The following ZFYVE26 variants were observed in gnomAD, a reference collection of about 807,000 sequenced individuals.
ZFYVE26 encodes the protein zinc finger FYVE-type containing 26, also known as zinc finger FYVE domain-containing protein 26.
Under a neutral mutation model 276.5 loss-of-function variants are expected in ZFYVE26, and 181 were observed. The ratio of observed to expected loss-of-function variants is 0.65; its 90% CI spans 0.58 to 0.74. ZFYVE26 has a LOEUF of 0.74. ZFYVE26 is among the 30% of genes least tolerant of loss of function. The probability of loss-of-function intolerance (pLI) is 0.00; values close to 1 mark genes in which losing one functional copy is unlikely to be tolerated. For synonymous variants in ZFYVE26, 1,129 were observed against 1,203.1 expected (o/e 0.94, Z 1.27); for missense variants, 2,821 against 3,097.9 (o/e 0.91, Z 2.12).
At chr14:67,789,651 C>T in intron 15 of ZFYVE26, 53 bp from the exon 16 acceptor site, 2 of 1,610,960 alleles carry the variant, frequency 1.2e-6, no homozygotes, top group African/African-American at 1.3e-5. Context: ...ATTCTTACTA[C>T]AACTTTTATT....
intron 3 of ZFYVE26, among the ~76,000 whole-genome samples, chr14:67,813,379 C>A (rs2040340198): frequency 6.6e-6 from 1 of 152,084 alleles, no homozygotes; most frequent in African/African-American, 2.4e-5. Flanking sequence ...GAAAATGTCT[C>A]AGAGTAATTC....
At chr14:67,810,074 G>A (rs528216638) in intron 3 of ZFYVE26, among the ~76,000 whole-genome samples, 10 of 152,264 alleles carry the variant, frequency 6.6e-5, no homozygotes, top group Admixed American at 4.6e-4. Flanking sequence ...GTGAGCCACC[G>A]TGCCTGGCAC....
In ZFYVE26 at chr14:67,798,463, G is replaced by A. The variant is rs1361696412; in HGVS notation, c.1799C>T (p.Ala600Val). Residue 600 changes from alanine to valine, a missense_variant, in exon 11 of 42, where the codon GCT (alanine) becomes GTT (valine). By Grantham distance (64) the Ala-to-Val change is moderately conservative (BLOSUM62 0). Coordinates refer to ENST00000347230, the MANE Select transcript of ZFYVE26 (RefSeq NM_015346.4). ...CTTCCCCTCAATGTCATCATCCTCAGCATAGTCCTCAGGCAAGTGAGGCTC... is the reference window on the plus strand; with the variant it reads ...CTTCCCCTCAATGTCATCATCCTCAACATAGTCCTCAGGCAAGTGAGGCTC... ...HPEPHLPEDYAEDDDIEGKSP... is the reference protein window; with the variant it reads ...HPEPHLPEDYVEDDDIEGKSP... 6.2e-7 allele frequency: 1 copy of A among 1,614,084 alleles called. No individual in the cohort carries two copies. The highest frequency in any genetic ancestry group is 1.3e-5 in the African/African-American group (1 of 74,916).
downstream of ZFYVE26, among the ~76,000 whole-genome samples, chr14:67,745,559 T>C (rs1383507500): frequency 6.6e-6 from 1 of 151,980 alleles, no homozygotes; most frequent in African/African-American, 2.4e-5. Context: ...TGTCCATGGC[T>C]CAAGTATCAT....
intron 13 of ZFYVE26, among the ~76,000 whole-genome samples, chr14:67,738,658 A>C (rs72723171): frequency 0.088 from 13,321 of 152,218 alleles, 828 homozygotes; most frequent in Non-Finnish European, 0.14. Context: ...AAAAGATATA[A>C]AACAATATAA....
intron 13 of ZFYVE26, among the ~76,000 whole-genome samples, chr14:67,731,689 C>A (rs1156981495): frequency 6.6e-6 from 1 of 151,950 alleles, no homozygotes; most frequent in African/African-American, 2.4e-5. Flanking sequence ...GAATACAAAA[C>A]TATATGATTT....
chr14:67,735,127 A>C, intron 13 of ZFYVE26: 1 of 800,878 alleles, frequency 1.2e-6, no homozygotes. Flanking sequence ...AATGATAGGC[A>C]TGGGTGTTGA....
chr14:67,757,898 A>C (rs1344327987), intron 35 of ZFYVE26, among the ~76,000 whole-genome samples: 3 of 151,976 alleles, frequency 2.0e-5, no homozygotes, highest in Admixed American at 1.3e-4. Flanking sequence ...TATTTTTAGT[A>C]GAGACAGGGT....
At chr14:67,766,115 A>G in intron 32 of ZFYVE26, 112 bp downstream of exon 32, 2 of 1,058,014 alleles carry the variant, frequency 1.9e-6, no homozygotes, top group Non-Finnish European at 2.9e-6. Context: ...AAAATCTTTC[A>G]GCATGTCTTG....
chr14:67,798,604 G>T lies in ZFYVE26; in HGVS notation c.1658C>A (p.Ser553Ter). ...CTGTTGACACCTGGCCAGGTAAGTT[G>T]AGAAGAGATTTGCAGCACCTACAAA... ...LSSPGAANLFSTYLARCQQYL... is the reference protein window; with the variant it reads ...LSSPGAANLF Residue 553 changes from serine to a stop codon, truncating the protein, a stop_gained, in exon 11 of 42, where the codon TCA becomes TAA. Transcript: ENST00000347230. LOFTEE classifies it high-confidence loss of function. The T allele has an allele frequency of 6.2e-7, 1 of 1,614,000 alleles. No individual in the cohort carries two copies. The highest frequency in any genetic ancestry group is 1.1e-5 in the South Asian group (1 of 91,080).
downstream of ZFYVE26, among the ~76,000 whole-genome samples, chr14:67,742,250 G>T (rs1271473667): frequency 6.6e-6 from 1 of 152,210 alleles, no homozygotes; most frequent in African/African-American, 2.4e-5. Flanking sequence ...GTGAGGAGGG[G>T]TAAATGGGGA....
Position 67,751,085 on chromosome 14 carries a change from G to A in ZFYVE26, c.7383C>T (p.Gly2461=). ...CATCATTGTGTATTGCCTGGATCAG[G>A]CCCTCCAGCTCCTGTGCAGAACAGA... ...FKRIPPQELE[G]LIQAIHNDDN... Residue 2461 remains glycine, a synonymous_variant, in exon 41 of 42, where the codon GGC becomes GGT. Transcript: ENST00000347230. The A allele has an allele frequency of 1.2e-6, 2 of 1,614,200 alleles. No individual in the cohort carries two copies. Among genetic ancestry groups the A allele is most frequent in the Non-Finnish European group, 1.7e-6 (2 of 1,180,038 alleles).
chr14:67,741,625 T>C (rs2038415912), downstream of ZFYVE26, among the ~76,000 whole-genome samples: 2 of 152,190 alleles, frequency 1.3e-5, no homozygotes, highest in South Asian at 4.1e-4. Flanking sequence ...TTCTGCCTTA[T>C]AAAGTATTTG....
In ZFYVE26 at chr14:67,777,729, G is replaced by A. The variant is rs558285072; in HGVS notation, c.4804C>T (p.Arg1602Ter). 20 of 1,614,050 alleles carry A rather than the reference G, an allele frequency of 1.2e-5. No individual in the cohort carries two copies. The highest frequency in any genetic ancestry group is 1.7e-5 in the Admixed American group (1 of 60,008). Residue 1602 changes from arginine (R) to a stop codon, truncating the protein, a stop_gained, in exon 25 of 42, where the codon CGA becomes TGA. Transcript: ENST00000347230. LOFTEE classifies it high-confidence loss of function. ...CACATGGTGGGGTCAGGGATTCTTCGCAGGAGCTATTGTCAAAGGGTAGAG... is the reference window on the plus strand; with the variant it reads ...CACATGGTGGGGTCAGGGATTCTTCACAGGAGCTATTGTCAAAGGGTAGAG... ...RDHDKALQLL[R>*]RIPDPTMCLE...
In ZFYVE26 at chr14:67,733,890, A is replaced by G. The variant is rs370191805; in HGVS notation, n.2680-4071T>C. ...AGCTTTATCAGGCCCAATCCATGCC[A>G]TAATGAACAGGGACCAAGGAGAAGG... On this transcript the variant is annotated intron_variant and non_coding_transcript_variant, in intron 13 of 14. Transcript: ENST00000394455. 2.6e-5 allele frequency: 38 copies of G among 1,457,106 alleles called. No homozygotes were observed. The African/African-American group carries it at 4.9e-4, about 19-fold the overall frequency. The allele number at this position is 1,457,106 out of a possible 1,614,324, so 90.3% of individuals were successfully genotyped here.
At chr14:67,771,500 G>A (rs889297371) in intron 28 of ZFYVE26, among the ~76,000 whole-genome samples, 36 of 152,218 alleles carry the variant, frequency 2.4e-4, no homozygotes, top group African/African-American at 4.8e-5. Context: ...TTTCATCAGC[G>A]TTGAGCTGAT....
At chr14:67,784,501 C>T in intron 19 of ZFYVE26, 65 bp from the exon 20 acceptor site, 1 of 1,453,904 alleles carries the variant, frequency 6.9e-7, no homozygotes, top group Non-Finnish European at 9.7e-7. Flanking sequence ...AGCCCTGTTT[C>T]CCAGAATTGA....
intron 28 of ZFYVE26, among the ~76,000 whole-genome samples, chr14:67,770,801 A>G (rs1015556473): frequency 1.3e-5 from 2 of 152,224 alleles, no homozygotes; most frequent in Admixed American, 1.3e-4. Context: ...ATATGTAAGT[A>G]AACCTTCTAT....
chr14:67,795,749 A>T (rs1032116136), intron 12 of ZFYVE26, among the ~76,000 whole-genome samples: 3 of 152,232 alleles, frequency 2.0e-5, no homozygotes, highest in Admixed American at 6.5e-5. Flanking sequence ...TATAAGTGGA[A>T]TCAAAAGGCA....
Sources: allele counts gnomAD v4.1 joint callset (sites outside exome capture counted in the v4.1 genomes callset), GRCh38; gene constraint gnomAD v4.1.1; transcripts MANE v1.5; gene names NCBI Gene and HGNC (gene_info 2026-07-23, HGNC 2026-07-21).